Variants in CSK observed in about 807,000 individuals in gnomAD.
CSK encodes the protein C-terminal Src kinase.
In CSK, 7 loss-of-function variants were observed where a neutral mutation model predicts 62.3. The ratio of observed to expected loss-of-function variants is 0.11; its 90% CI spans 0.06 to 0.21. The LOEUF is 0.21. CSK is among the 10% of genes least tolerant of loss of function. The probability of loss-of-function intolerance (pLI) is 1.00; values close to 1 mark genes in which losing one functional copy is unlikely to be tolerated. For synonymous variants in CSK, 237 were observed against 246.0 expected (o/e 0.96, Z 0.34); for missense variants, 294 against 613.5 (o/e 0.48, Z 5.50).
chr15:74,802,477 G>T lies in CSK; in HGVS notation c.1317G>T (p.Gln439His). 1.2e-6 allele frequency: 2 copies of T among 1,612,874 alleles called. No individual in the cohort carries two copies. Among genetic ancestry groups the T allele is most frequent in the Non-Finnish European group, 1.7e-6 (2 of 1,179,806 alleles). ...CCTCCTTCCTACAGCTCCGAGAGCA[G>T]CTTGAGCACATCAAAACCCACGAGC... ...MRPSFLQLRE[Q>H]LEHIKTHELH... The change falls in exon 13 of 13, where the codon CAG (glutamine) becomes CAT (histidine). Residue 439 changes from glutamine (Q) to histidine (H), a missense_variant. This residue lies in a region of CSK where 66 missense variants were observed against 99.3 expected (regional missense o/e 0.66). Transcript: ENST00000220003.
intron 5 of CSK, 130 bp from the exon 6 acceptor site, chr15:74,800,282 G>A (rs370772053): frequency 4.1e-5 from 30 of 740,636 alleles, no homozygotes; most frequent in African/African-American, 1.2e-4. Context: ...CAGAAATGGG[G>A]AGCCCTCCCC....
At chr15:74,786,573 G>A (rs1259507237) in intron 1 of CSK, among the ~76,000 whole-genome samples, 3 of 152,144 alleles carry the variant, frequency 2.0e-5, no homozygotes, top group Admixed American at 2.0e-4. Flanking sequence ...GGAGGGAGTT[G>A]GACACATCGG....
intron 1 of CSK, among the ~76,000 whole-genome samples, chr15:74,791,538 A>G (rs1220530909): frequency 6.6e-6 from 1 of 152,164 alleles, no homozygotes; most frequent in Middle Eastern, 3.2e-3. Context: ...CATTAATTCC[A>G]TATTATCTAC....
chr15:74,800,446 G>C lies in CSK; in HGVS notation c.497G>C (p.Arg166Pro). The C allele has an allele frequency of 6.2e-7, 1 of 1,614,060 alleles. No individual in the cohort carries two copies. The highest frequency in any genetic ancestry group is 8.5e-7 in the Non-Finnish European group (1 of 1,179,998). The change falls in exon 6 of 13, where the codon CGC becomes CCC. Residue 166 changes from arginine (R) to proline (P), a missense_variant. Around this residue, in one of 3 missense-constraint regions of CSK, gnomAD observed 202 missense variants for 415.7 expected, o/e 0.49. Coordinates refer to ENST00000220003, the MANE Select transcript of CSK (RefSeq NM_004383.3). ...TCAGACGCAGATGGACTCTGTACGC[G>C]CCTCATTAAACCAAAGGTCATGGAG... is the stretch of plus-strand genomic sequence containing the variant. ...YTSDADGLCTRLIKPKVMEGT... is the reference protein window; with the variant it reads ...YTSDADGLCTPLIKPKVMEGT...
chr15:74,798,753 C>A lies in CSK; in HGVS notation c.129+25C>A. 6.2e-7 allele frequency: 1 copy of A among 1,610,118 alleles called. No homozygotes were observed. The highest frequency in any genetic ancestry group is 8.5e-7 in the Non-Finnish European group (1 of 1,177,156). On this transcript the variant is annotated intron_variant, in intron 3 of 12. Transcript: ENST00000220003. The surrounding 1 kb of genome is among the most constrained non-coding windows in gnomAD (Gnocchi z 6.6). ...GGTAATCAGGTGACGCCCACCCCAC[C>A]ATCCCACTGCTGGGCCTTCCCTCTG...
chr15:74,785,974 A>ACAAGGC (rs960597664), intron 1 of CSK, among the ~76,000 whole-genome samples: 3 of 130,274 alleles, frequency 2.3e-5, no homozygotes, highest in Admixed American at 2.3e-4. Context: ...AGCTAAATAG[A>ACAAGGC]CAAGGCCTCT....
chr15:74,785,685 T>G (rs939163264), intron 1 of CSK, among the ~76,000 whole-genome samples: 1 of 152,212 alleles, frequency 6.6e-6, no homozygotes, highest in African/African-American at 2.4e-5. Context: ...TGCCCACTGC[T>G]GGCTGCCTCA....
At chr15:74,792,661 G>C (rs1227649947) in intron 1 of CSK, among the ~76,000 whole-genome samples, 8 of 152,252 alleles carry the variant, frequency 5.3e-5, no homozygotes, top group Admixed American at 5.2e-4. Context: ...GTCAGCCTCT[G>C]ACCTGCAGTG....
intron 1 of CSK, among the ~76,000 whole-genome samples, chr15:74,783,077 C>A (rs1188227423): frequency 2.6e-5 from 4 of 152,230 alleles, no homozygotes; most frequent in Non-Finnish European, 5.9e-5. Context: ...CTGCCCTTCC[C>A]TGTACAGGGC....
intron 1 of CSK, among the ~76,000 whole-genome samples, chr15:74,794,462 C>T (rs34282725): frequency 6.6e-6 from 1 of 152,236 alleles, no homozygotes; most frequent in African/African-American, 2.4e-5. Context: ...TGGATGGAGG[C>T]AGGTTTCAGG....
At position 74,801,738 on chromosome 15, in the gene CSK, G is replaced by T; in HGVS notation, c.931G>T (p.Val311Leu). The T allele has an allele frequency of 6.2e-7, 1 of 1,614,004 alleles. No homozygotes were observed. The highest frequency in any genetic ancestry group is 8.5e-7 in the Non-Finnish European group (1 of 1,179,960). ...GGAATACCTGGAGGGCAACAATTTC[G>T]TGCATCGAGACCTGGCTGCCCGCAA... ...AMEYLEGNNF[V>L]HRDLAARNVL... The change falls in exon 11 of 13, where the codon GTG (valine) becomes TTG (leucine). Residue 311 changes from valine (V) to leucine (L), a missense_variant. Around this residue, in one of 3 missense-constraint regions of CSK, gnomAD observed 26 missense variants for 98.4 expected, o/e 0.26. Coordinates refer to ENST00000220003, the MANE Select transcript of CSK (RefSeq NM_004383.3).
chr15:74,783,561 G>A (rs2063470227), intron 1 of CSK, among the ~76,000 whole-genome samples: 1 of 152,224 alleles, frequency 6.6e-6, no homozygotes, highest in Non-Finnish European at 1.5e-5. Flanking sequence ...ATACAGGGCT[G>A]GATGGCTGTG....
intron 1 of CSK, among the ~76,000 whole-genome samples, chr15:74,784,767 C>A (rs1225153032): frequency 6.6e-6 from 1 of 152,198 alleles, no homozygotes; most frequent in Non-Finnish European, 1.5e-5. Context: ...TGGCTGCCCC[C>A]CAAAGGGGGC....
intron 1 of CSK, among the ~76,000 whole-genome samples, chr15:74,783,685 G>A (rs1208081763): frequency 6.6e-6 from 1 of 152,242 alleles, no homozygotes; most frequent in Non-Finnish European, 1.5e-5. Flanking sequence ...GCTGGAGGGA[G>A]TGAAAGGGCT....
chr15:74,801,594 C>T lies in CSK; in HGVS notation c.886C>T (p.Leu296=), dbSNP rs748678548. The stretch of plus-strand genomic sequence containing the variant: ...CGGAGACTGTCTCCTCAAGTTCTCG[C>T]TGTGAGTGAAGCAGCCTCTTGGATG... ...LGGDCLLKFS[L]DVCEAMEYLE... The change falls in exon 10 of 13, where the codon CTA becomes TTA. Residue 296 remains leucine, a splice_region_variant and synonymous_variant. Transcript: ENST00000220003. 4.3e-6 allele frequency: 7 copies of T among 1,613,762 alleles called. No individual in the cohort carries two copies. The highest frequency in any genetic ancestry group is 2.7e-5 in the African/African-American group (2 of 74,942).
At position 74,800,848 on chromosome 15, in the gene CSK, G is replaced by T. The variant is rs749238868; in HGVS notation, c.648G>T (p.Gly216=). The change falls in exon 8 of 13, where the codon GGG becomes GGT. Residue 216 remains glycine, a synonymous_variant. Coordinates refer to ENST00000220003, the MANE Select transcript of CSK (RefSeq NM_004383.3). The stretch of plus-strand genomic sequence containing the variant: ...ACGTGATGCTGGGCGATTACCGAGG[G>T]AACAAAGTCGCCGTCAAGTGCATTA... The part of the protein sequence containing the change: ...FGDVMLGDYR[G]NKVAVKCIKN... 1 of 1,613,302 alleles carries T rather than the reference G, an allele frequency of 6.2e-7. No homozygotes were observed. Among genetic ancestry groups the T allele is most frequent in the Non-Finnish European group, 8.5e-7 (1 of 1,179,930 alleles).
chr15:74,802,711 G>C lies in CSK; in HGVS notation c.*198G>C. ...TGGGGCCTGGGGAGCCCACTGAGGGGCCAGGGAGGAAGGAGGCCACGGAGC... is the reference window on the plus strand; with the variant it reads ...TGGGGCCTGGGGAGCCCACTGAGGGCCCAGGGAGGAAGGAGGCCACGGAGC... On this transcript the variant is annotated 3_prime_UTR_variant, in exon 13 of 13. Transcript: ENST00000220003. 1.6e-6 allele frequency: 1 copy of C among 624,280 alleles called. No individual in the cohort carries two copies. Among genetic ancestry groups the C allele is most frequent in the East Asian group, 3.5e-5 (1 of 28,622 alleles). The allele number at this position is 624,280 out of a possible 1,614,324, so 38.7% of individuals were successfully genotyped here. A position where few individuals can be genotyped will look rare whatever the true frequency, so the allele number is the denominator to read the frequency against.
In CSK at chr15:74,798,969, A is replaced by G. The variant is rs749484232; in HGVS notation, c.242+31A>G. Reference sequence around the variant, plus strand: ...TACCACGAGGAGGGGTTGGGGAGGGAAGGGGCCTTGGTCCTCCTGAAGGAG... The same window carrying G: ...TACCACGAGGAGGGGTTGGGGAGGGGAGGGGCCTTGGTCCTCCTGAAGGAG... On this transcript the variant is annotated intron_variant, in intron 4 of 12. Coordinates refer to ENST00000220003, the MANE Select transcript of CSK (RefSeq NM_004383.3). The surrounding 1 kb of genome is among the most constrained non-coding windows in gnomAD (Gnocchi z 6.6). 1 of 1,478,718 alleles carries G rather than the reference A, an allele frequency of 6.8e-7. No individual in the cohort carries two copies. The highest frequency in any genetic ancestry group is 1.3e-5 in the South Asian group (1 of 74,640). 91.6% of individuals were successfully genotyped at this position (1,478,718 alleles called of 1,614,324 possible).
Position 74,800,752 on chromosome 15 carries a change from C to T in CSK, c.622+6C>T, listed in dbSNP as rs1425058846. On this transcript the variant is annotated splice_donor_region_variant and intron_variant, in intron 7 of 12. Transcript: ENST00000220003. ...CGGGAAGGGGGAGTTCGGAGGTGAGCTGGGCCGGGCCCCCTGGGGGGGTTC... is the reference window on the plus strand; with the variant it reads ...CGGGAAGGGGGAGTTCGGAGGTGAGTTGGGCCGGGCCCCCTGGGGGGGTTC... The T allele has an allele frequency of 1.3e-6, 2 of 1,577,988 alleles. No homozygotes were observed. Among genetic ancestry groups the T allele is most frequent in the Non-Finnish European group, 1.7e-6 (2 of 1,161,596 alleles).
Sources: allele counts gnomAD v4.1 joint callset (sites outside exome capture counted in the v4.1 genomes callset), GRCh38; gene constraint gnomAD v4.1.1; regional missense constraint gnomAD v4.1.1; non-coding constraint Gnocchi (gnomAD v3.1); transcripts MANE v1.5; gene names NCBI Gene and HGNC (gene_info 2026-07-23, HGNC 2026-07-21).